FAM171A2: variants seen among roughly 807,000 people sequenced by gnomAD.
FAM171A2 encodes the protein family with sequence similarity 171 member A2.
Under a neutral mutation model 34.2 loss-of-function variants are expected in FAM171A2, and 13 were observed. The observed-to-expected ratio is 0.38, with a 90% CI of 0.25 to 0.60. FAM171A2 has a LOEUF of 0.60. Ranked by LOEUF, FAM171A2 falls within the 20% of genes least tolerant of loss-of-function variation. The pLI, the probability that FAM171A2 is intolerant of heterozygous loss-of-function variation, is 0.62. For synonymous variants in FAM171A2, 475 were observed against 561.2 expected (o/e 0.85, Z 2.17); for missense variants, 950 against 1,180.7 (o/e 0.80, Z 2.86).
Position 44,355,603 on chromosome 17 carries a change from A to T in FAM171A2, c.1022+112T>A. 7.1e-7 allele frequency: 1 copy of T among 1,415,786 alleles called. No homozygotes were observed. The allele number at this position is 1,415,786 out of a possible 1,614,324, so 87.7% of individuals were successfully genotyped here. ...GCCCTTCAGGTCTTAGCATGTTTGC[A>T]GGAAGTCTTTTCCTGTCTGCCCCTT... On this transcript the variant is annotated intron_variant, in intron 7 of 7. Transcript: ENST00000293443. The surrounding 1 kb of genome is among the most constrained non-coding windows in gnomAD (Gnocchi z 4.1).
intron 2 of FAM171A2, 88 bp from the exon 3 acceptor site, chr17:44,359,759 C>T (rs1598370131): frequency 9.0e-7 from 1 of 1,108,024 alleles, no homozygotes; most frequent in Non-Finnish European, 1.2e-6. Flanking sequence ...CCAGAGGCTT[C>T]ACCCTCCCTC....
In FAM171A2 at chr17:44,354,156, C is replaced by CT; in HGVS notation, c.2057_2058insA (p.Asp687GlyfsTer171). 8.0e-7 allele frequency: 1 copy of CT among 1,249,960 alleles called. No homozygotes were observed. The allele number at this position is 1,249,960 out of a possible 1,614,324, so 77.4% of individuals were successfully genotyped here. ...CCTCGTGGACATCTACGCCCGAGTC[C>CT]AGGCTGGCGTCGGTGCTGCGTGCCC... On this transcript the variant is annotated frameshift_variant, in exon 8 of 8. Transcript: ENST00000293443. LOFTEE classifies it low-confidence loss of function (END_TRUNC). This position sits in a 1 kb window ranked among gnomAD's most constrained non-coding sequence, Gnocchi z 5.8.
chr17:44,355,837 C>T lies in FAM171A2; in HGVS notation c.900G>A (p.Leu300=), dbSNP rs1393850295. Residue 300 remains leucine (L), a synonymous_variant, in exon 7 of 8, where the codon CTG becomes CTA. Transcript: ENST00000293443. The surrounding 1 kb of genome is among the most constrained non-coding windows in gnomAD (Gnocchi z 4.1). ...VAAMASPTAG[L]VTITSGIQDI... ...CCTGGATGCCCGACGTGATGGTGAC[C>T]AGCCCTGTGCCAGGCGAGGGCTTAG... 1.3e-6 allele frequency: 2 copies of T among 1,551,640 alleles called. No individual in the cohort carries two copies. Among genetic ancestry groups the T allele is most frequent in the Middle Eastern group, 1.7e-4 (1 of 5,992 alleles).
In FAM171A2 at chr17:44,354,533, C is replaced by G; in HGVS notation, c.1681G>C (p.Glu561Gln). ...GCCGTGCCCTCCGGCGGGGCCGGCTCGTCGCCCACGCCGGCGGCGCCCGCC... is the reference window on the plus strand; with the variant it reads ...GCCGTGCCCTCCGGCGGGGCCGGCTGGTCGCCCACGCCGGCGGCGCCCGCC... The part of the protein sequence containing the change: ...GEAGAAGVGD[E>Q]PAPPEGTAPG... Residue 561 changes from glutamate (E) to glutamine (Q), a missense_variant, in exon 8 of 8, where the codon GAG (glutamate) becomes CAG (glutamine). By Grantham distance (29) the Glu-to-Gln change is conservative (BLOSUM62 2). Transcript: ENST00000293443. The surrounding 1 kb of genome is among the most constrained non-coding windows in gnomAD (Gnocchi z 5.8). The G allele has an allele frequency of 8.5e-7, 1 of 1,173,546 alleles. No homozygotes were observed. Among genetic ancestry groups the G allele is most frequent in the African/African-American group, 1.6e-5 (1 of 61,826 alleles). The allele number at this position is 1,173,546 out of a possible 1,614,324, so 72.7% of individuals were successfully genotyped here.
Position 44,356,268 on chromosome 17 carries a change from G to A in FAM171A2, c.683C>T (p.Ser228Leu), listed in dbSNP as rs1264994314. Reference protein sequence around the residue: ...LTGNGTEVPLSGPIHLSLPVP... With the variant: ...LTGNGTEVPLLGPIHLSLPVP... ...GGGCAGGGACAGGTGAATGGGGCCT[G>A]AGAGCGGCACCTCTGTCCCATTACC... The change falls in exon 5 of 8, where the codon TCA (serine) becomes TTA (leucine). Residue 228 changes from serine to leucine, a missense_variant. Around this residue, in one of 3 missense-constraint regions of FAM171A2, gnomAD observed 752 missense variants for 924.5 expected, o/e 0.81. Transcript: ENST00000293443. 6.4e-7 allele frequency: 1 copy of A among 1,551,410 alleles called. No homozygotes were observed. Among genetic ancestry groups the A allele is most frequent in the Admixed American group, 2.0e-5 (1 of 50,998 alleles).
At chr17:44,362,691 A>G (rs1032614228) in intron 1 of FAM171A2, among the ~76,000 whole-genome samples, 13 of 151,038 alleles carry the variant, frequency 8.6e-5, no homozygotes, top group African/African-American at 3.2e-4. Context: ...AGCCGGCCCC[A>G]CCCCCACCTC....
chr17:44,354,831 C>T lies in FAM171A2; in HGVS notation c.1383G>A (p.Arg461=), dbSNP rs963901583. The change falls in exon 8 of 8, where the codon CGG becomes CGA. Residue 461 remains arginine, a synonymous_variant. Coordinates refer to ENST00000293443, the MANE Select transcript of FAM171A2 (RefSeq NM_198475.3). The surrounding 1 kb of genome is among the most constrained non-coding windows in gnomAD (Gnocchi z 5.8). ...AGGCCGCAGCCCCCGAGGGCCCCCGCCGGTGCTCCTCTAGGCCGGGCTCCA... is the reference window on the plus strand; with the variant it reads ...AGGCCGCAGCCCCCGAGGGCCCCCGTCGGTGCTCCTCTAGGCCGGGCTCCA... ...GGLEPGLEEH[R]RGPSGAAAFL... is the part of the protein sequence containing the mutation. The T allele has an allele frequency of 2.4e-5, 31 of 1,281,238 alleles. No homozygotes were observed. The highest frequency in any genetic ancestry group is 4.2e-5 in the Admixed American group (1 of 23,712). 79.4% of individuals were successfully genotyped at this position (1,281,238 alleles called of 1,614,324 possible). A position where few individuals can be genotyped will look rare whatever the true frequency, so the allele number is the denominator to read the frequency against.
chr17:44,354,057 G>GGGCGGCGGC lies in FAM171A2; in HGVS notation c.2148_2156dup (p.Pro717_Pro719dup). On this transcript the variant is annotated inframe_insertion, in exon 8 of 8. Transcript: ENST00000293443. This position sits in a 1 kb window ranked among gnomAD's most constrained non-coding sequence, Gnocchi z 5.8. ...CGCTGAGCGCCAGGCGCGGGGGCGCGGGCGGCGGCGGCGGCGCGGCAGGCG... is the reference window on the plus strand; with the variant it reads ...CGCTGAGCGCCAGGCGCGGGGGCGCGGGCGGCGGCGGCGGCGGCGGCGGCGCGGCAGGCG... 1 of 1,124,910 alleles carries GGGCGGCGGC rather than the reference G, an allele frequency of 8.9e-7. No homozygotes were observed. The highest frequency in any genetic ancestry group is 1.1e-6 in the Non-Finnish European group (1 of 920,286). The allele number at this position is 1,124,910 out of a possible 1,614,324, so 69.7% of individuals were successfully genotyped here.
At position 44,363,629 on chromosome 17, in the gene FAM171A2, C is replaced by A; in HGVS notation, c.86G>T (p.Gly29Val). Residue 29 changes from glycine to valine, a missense_variant, in exon 1 of 8, where the codon GGC becomes GTC. Physicochemically the swap from Gly to Val is moderately radical, Grantham distance 109. Transcript: ENST00000293443. ...LLLGSASRAP[G>V]KSPPEPPSPQ... Reference sequence around the variant, plus strand: ...GCTGGGGGGCTCCGGCGGCGACTTGCCGGGAGCCCGGGAGGCGCTGCCGAG... The same window carrying A: ...GCTGGGGGGCTCCGGCGGCGACTTGACGGGAGCCCGGGAGGCGCTGCCGAG... 1 of 1,229,336 alleles carries A rather than the reference C, an allele frequency of 8.1e-7. No individual in the cohort carries two copies. Among genetic ancestry groups the A allele is most frequent in the South Asian group, 4.0e-5 (1 of 25,272 alleles). The allele number at this position is 1,229,336 out of a possible 1,614,324, so 76.2% of individuals were successfully genotyped here. A position where few individuals can be genotyped will look rare whatever the true frequency, so the allele number is the denominator to read the frequency against.
chr17:44,353,489 C>T lies in FAM171A2; in HGVS notation c.*244G>A, dbSNP rs976711829. On this transcript the variant is annotated 3_prime_UTR_variant, in exon 8 of 8. Coordinates refer to ENST00000293443, the MANE Select transcript of FAM171A2 (RefSeq NM_198475.3). The stretch of plus-strand genomic sequence containing the variant: ...ACGTCTACACAGGCACTGCTTCCCC[C>T]CAGCCCTCCTCCCCGGCACCTCCCC... 4.2e-6 allele frequency: 1 copy of T among 238,534 alleles called. No homozygotes were observed. The highest frequency in any genetic ancestry group is 8.0e-6 in the Non-Finnish European group (1 of 125,660). 14.8% of individuals were successfully genotyped at this position (238,534 alleles called of 1,614,324 possible).
Position 44,353,478 on chromosome 17 carries a change from A to C in FAM171A2, c.*255T>G. 1 of 220,464 alleles carries C rather than the reference A, an allele frequency of 4.5e-6. No homozygotes were observed. The highest frequency in any genetic ancestry group is 1.0e-4 in the East Asian group (1 of 9,746). 13.7% of individuals were successfully genotyped at this position (220,464 alleles called of 1,614,324 possible). On this transcript the variant is annotated 3_prime_UTR_variant, in exon 8 of 8. Coordinates refer to ENST00000293443, the MANE Select transcript of FAM171A2 (RefSeq NM_198475.3). ...TATGTACAGCCACGTCTACACAGGCACTGCTTCCCCCCAGCCCTCCTCCCC... is the reference window on the plus strand; with the variant it reads ...TATGTACAGCCACGTCTACACAGGCCCTGCTTCCCCCCAGCCCTCCTCCCC...
intron 3 of FAM171A2, chr17:44,359,348 CTG>C (rs2048438453): frequency 1.8e-6 from 1 of 558,608 alleles, no homozygotes; most frequent in South Asian, 2.2e-5. Context: ...GCCCCGATAA[CTG>C]TAAACATTTA....
chr17:44,356,385 T>C, intron 4 of FAM171A2, 33 bp from the exon 5 acceptor site: 1 of 1,546,412 alleles, frequency 6.5e-7, no homozygotes, highest in Admixed American at 2.0e-5. Context: ...TGAGGGCTGA[T>C]CCTGAGCCTG....
chr17:44,356,175 C>A lies in FAM171A2; in HGVS notation c.776G>T (p.Ser259Ile). Residue 259 changes from serine to isoleucine, a missense_variant and splice_region_variant, in exon 5 of 8, where the codon AGT becomes ATT. This residue lies in a region of FAM171A2 where 752 missense variants were observed against 924.5 expected (regional missense o/e 0.81). Transcript: ENST00000293443. ...SIPAWRFDPK[S>I]GLWVRNGTGV... The stretch of plus-strand genomic sequence containing the variant: ...CTGCAGCCCCCTGAGGCACTTACCA[C>A]TCTTGGGGTCAAATCTCCAGGCTGG... The A allele has an allele frequency of 6.5e-7, 1 of 1,546,250 alleles. No individual in the cohort carries two copies. The highest frequency in any genetic ancestry group is 8.7e-7 in the Non-Finnish European group (1 of 1,143,108).
At chr17:44,361,085 G>A (rs185524205) in intron 1 of FAM171A2, among the ~76,000 whole-genome samples, 148 of 152,334 alleles carry the variant, frequency 9.7e-4, no homozygotes, top group African/African-American at 3.2e-3. Context: ...GGCTGGGGAG[G>A]GAAGCCCAAG....
In FAM171A2 at chr17:44,363,701, C is replaced by T; in HGVS notation, c.14G>A (p.Ser5Asn). The change falls in exon 1 of 8, where the codon AGT becomes AAT. Residue 5 changes from serine to asparagine, a missense_variant. By Grantham distance (46) the Ser-to-Asn change is conservative (BLOSUM62 1). Around this residue, in one of 3 missense-constraint regions of FAM171A2, gnomAD observed 752 missense variants for 924.5 expected, o/e 0.81. Coordinates refer to ENST00000293443, the MANE Select transcript of FAM171A2 (RefSeq NM_198475.3). MPPA[S>N]GPSVLARLLP... ...CAGCCGCGCGAGGACGCTGGGGCCA[C>T]TCGCCGGCGGCATCGCGGGGCTAGG... The T allele has an allele frequency of 8.2e-7, 1 of 1,217,216 alleles. No homozygotes were observed. The highest frequency in any genetic ancestry group is 1.0e-6 in the Non-Finnish European group (1 of 978,340). 75.4% of individuals were successfully genotyped at this position (1,217,216 alleles called of 1,614,324 possible).
intron 3 of FAM171A2, among the ~76,000 whole-genome samples, chr17:44,357,352 GAAA>G (rs35513120): frequency 1.6e-5 from 2 of 122,792 alleles, no homozygotes; most frequent in Non-Finnish European, 3.5e-5. Context: ...CATCTCAAAA[GAAA>G]AAAAAAAAAA....
Position 44,355,796 on chromosome 17 carries a change from T to C in FAM171A2, c.941A>G (p.His314Arg). 6.4e-7 allele frequency: 1 copy of C among 1,551,712 alleles called. No homozygotes were observed. Among genetic ancestry groups the C allele is most frequent in the Non-Finnish European group, 8.7e-7 (1 of 1,147,004 alleles). The change falls in exon 7 of 8, where the codon CAC (histidine) becomes CGC (arginine). Residue 314 changes from histidine (H) to arginine (R), a missense_variant. This residue lies in a region of FAM171A2 where 752 missense variants were observed against 924.5 expected (regional missense o/e 0.81). Coordinates refer to ENST00000293443, the MANE Select transcript of FAM171A2 (RefSeq NM_198475.3). This position sits in a 1 kb window ranked among gnomAD's most constrained non-coding sequence, Gnocchi z 4.1. ...TSGIQDIGTY[H>R]TIFLLTILAA... ...CAGGATGGTGAGCAAGAAGATGGTG[T>C]GGTAGGTGCCGATGTCCTGGATGCC...
rs570503128 is a variant in FAM171A2 at position 44,359,636 on chromosome 17, G to A, written c.382C>T (p.Arg128Trp). 28 of 1,550,974 alleles carry A rather than the reference G, an allele frequency of 1.8e-5. No homozygotes were observed. Among genetic ancestry groups the A allele is most frequent in the African/African-American group, 1.1e-4 (8 of 73,108 alleles). The change falls in exon 3 of 8, where the codon CGG (arginine) becomes TGG (tryptophan). Residue 128 changes from arginine (R) to tryptophan (W), a missense_variant. Physicochemically the swap from Arg to Trp is moderately radical, Grantham distance 101. Around this residue, in one of 3 missense-constraint regions of FAM171A2, gnomAD observed 752 missense variants for 924.5 expected, o/e 0.81. Coordinates refer to ENST00000293443, the MANE Select transcript of FAM171A2 (RefSeq NM_198475.3). Reference sequence around the variant, plus strand: ...TCATAGAGGATGAGCGTGGCCGGCCGCTCAGGGAGCAGGTAGAGGCTGACA... The same window carrying A: ...TCATAGAGGATGAGCGTGGCCGGCCACTCAGGGAGCAGGTAGAGGCTGACA... Reference protein sequence around the residue: ...ASVSLYLLPERPATLILYEDL... With the variant: ...ASVSLYLLPEWPATLILYEDL...
Sources: gnomAD v4.1 joint callset for allele counts (sites outside exome capture counted in the v4.1 genomes callset) on GRCh38, gnomAD v4.1.1 for gene constraint, gnomAD v4.1.1 regional missense constraint, Gnocchi (gnomAD v3.1) non-coding constraint, MANE v1.5 for transcripts, NCBI Gene and HGNC (gene_info 2026-07-23, HGNC 2026-07-21) for gene names.